Variants in PTPRB observed in about 807,000 individuals in gnomAD.
PTPRB encodes the protein protein tyrosine phosphatase receptor type B, also known as receptor-type tyrosine-protein phosphatase beta.
Under a neutral mutation model 238.1 loss-of-function variants are expected in PTPRB, and 97 were observed. That is an observed-to-expected ratio of 0.41 (90% confidence interval 0.35 to 0.48). The LOEUF (loss-of-function observed/expected upper bound fraction) is 0.48. Ranked by LOEUF, PTPRB falls within the 20% of genes least tolerant of loss-of-function variation. The pLI, the probability that PTPRB is intolerant of heterozygous loss-of-function variation, is 0.30. For missense variants in PTPRB, 2,292 were observed against 2,681.9 expected, an observed-to-expected ratio of 0.85 and a Z score of 3.21; for synonymous variants, 970 against 995.4, an observed-to-expected ratio of 0.97 and a Z score of 0.48.
At chr12:70,559,254 G>A (rs767344855) in intron 18 of PTPRB, 89 bp downstream of exon 18, 1 of 1,367,402 alleles carries the variant, frequency 7.3e-7, no homozygotes, top group East Asian at 2.3e-5. Context: ...TAAAAATATG[G>A]ATTTAATCCA....
chr12:70,538,799 C>T lies in PTPRB; in HGVS notation c.5869+125G>A, dbSNP rs1029875415. On this transcript the variant is annotated intron_variant, in intron 27 of 33. Coordinates refer to ENST00000334414, the MANE Select transcript of PTPRB (RefSeq NM_001109754.4). ...TATACAAGCTATTTCTTATTAAAGG[C>T]ATTCAGAGCTTGAGATTGTCCATAT... 11 of 732,118 alleles carry T rather than the reference C, an allele frequency of 1.5e-5. No homozygotes were observed. In the African/African-American group the frequency reaches 1.9e-4, roughly 13 times the overall value. 45.4% of individuals were successfully genotyped at this position (732,118 alleles called of 1,614,324 possible).
At chr12:70,633,402 G>A (rs1885540070) in intron 2 of PTPRB, among the ~76,000 whole-genome samples, 2 of 152,006 alleles carry the variant, frequency 1.3e-5, no homozygotes, top group Non-Finnish European at 2.9e-5. Context: ...ATCACACCAT[G>A]GCTCTCCTGC....
chr12:70,621,285 T>C lies in PTPRB; in HGVS notation c.708+1105A>G, dbSNP rs72648195. On this transcript the variant is annotated intron_variant, in intron 3 of 33. Coordinates refer to ENST00000334414, the MANE Select transcript of PTPRB (RefSeq NM_001109754.4). Reference sequence around the variant, plus strand: ...TGGACATGTTTCCCTTTCCCTGCTTTAAGCCCAAACTGGGTGGGGTGATGG... The same window carrying C: ...TGGACATGTTTCCCTTTCCCTGCTTCAAGCCCAAACTGGGTGGGGTGATGG... Among the ~76,000 whole-genome samples the C allele has an allele frequency of 2.4e-3, 371 of 152,302 alleles. 16 individuals carry two copies. The East Asian group carries it at 0.066, about 27-fold the overall frequency.
In PTPRB at chr12:70,535,229, T is replaced by G. The variant is rs927364360; in HGVS notation, c.6082-274A>C. Reference sequence around the variant, plus strand: ...CCCAGTAATATATGGCTTGAGTTTTTTTTTTTTTTTTTTTTTTTTTTCCCC... The same window carrying G: ...CCCAGTAATATATGGCTTGAGTTTTGTTTTTTTTTTTTTTTTTTTTTCCCC... On this transcript the variant is annotated intron_variant, in intron 29 of 33. Coordinates refer to ENST00000334414, the MANE Select transcript of PTPRB (RefSeq NM_001109754.4). 3.4e-5 allele frequency among the ~76,000 whole-genome samples: 5 copies of G among 145,234 alleles called. No homozygotes were observed. In the East Asian group the frequency reaches 7.9e-4, roughly 23 times the overall value.
chr12:70,563,767 T>C lies in PTPRB; in HGVS notation c.3905-660A>G, dbSNP rs919582189. Among the ~76,000 whole-genome samples the C allele has an allele frequency of 3.9e-5, 6 of 152,046 alleles. 1 individual carries two copies. The highest frequency in any genetic ancestry group is 8.8e-5 in the Non-Finnish European group (6 of 68,020). On this transcript the variant is annotated intron_variant, in intron 15 of 33. Transcript: ENST00000334414. ...GTTTTGCTTGACCCTCTCTCCTCCT[T>C]CTTCTATCTCAATTAATGGCATCAT...
intron 5 of PTPRB, among the ~76,000 whole-genome samples, chr12:70,595,285 C>T (rs546769331): frequency 2.4e-4 from 36 of 151,918 alleles, no homozygotes; most frequent in African/African-American, 6.5e-4. Context: ...ACATCACACA[C>T]GGGGACCTGT....
chr12:70,608,324 T>C (rs1010949310), intron 4 of PTPRB, among the ~76,000 whole-genome samples: 2 of 152,338 alleles, frequency 1.3e-5, no homozygotes, highest in Admixed American at 1.3e-4. Context: ...AATGAGGTAA[T>C]GTACATGACA....
intron 32 of PTPRB, among the ~76,000 whole-genome samples, chr12:70,524,919 A>G (rs1396472738): frequency 7.3e-6 from 1 of 137,498 alleles, no homozygotes; most frequent in African/African-American, 3.5e-5. Flanking sequence ...ATATGTATGT[A>G]TATATGTGTG....
At chr12:70,611,781 C>CA (rs944055994) in intron 3 of PTPRB, among the ~76,000 whole-genome samples, 2 of 152,038 alleles carry the variant, frequency 1.3e-5, no homozygotes, top group Non-Finnish European at 2.9e-5. Context: ...TTTCTGGGAA[C>CA]AAAAAAACTC....
intron 4 of PTPRB, among the ~76,000 whole-genome samples, chr12:70,608,262 C>A (rs2583993): frequency 0.54 from 82,019 of 152,012 alleles, 23,555 homozygotes; most frequent in African/African-American, 0.75. Context: ...GTCAGAAAAC[C>A]TGAAAATTGT....
intron 14 of PTPRB, among the ~76,000 whole-genome samples, chr12:70,568,491 G>A (rs1014972654): frequency 6.6e-6 from 1 of 152,094 alleles, no homozygotes; most frequent in African/African-American, 2.4e-5. Context: ...TAGAGACGGG[G>A]TTTCACCATG....
At chr12:70,557,227 T>C (rs1592466861) in intron 18 of PTPRB, among the ~76,000 whole-genome samples, 1 of 152,292 alleles carries the variant, frequency 6.6e-6, no homozygotes, top group East Asian at 1.9e-4. Context: ...AATTGAGAAC[T>C]GCAAATCATT....
chr12:70,540,733 A>C (rs1874943539), intron 23 of PTPRB, 125 bp downstream of exon 23: 5 of 723,128 alleles, frequency 6.9e-6, no homozygotes, highest in South Asian at 5.8e-5. Context: ...TTTATTGAGA[A>C]AACAGTGACA....
chr12:70,529,794 T>C (rs1288905528), intron 32 of PTPRB, among the ~76,000 whole-genome samples: 2 of 152,168 alleles, frequency 1.3e-5, no homozygotes, highest in Non-Finnish European at 2.9e-5. Flanking sequence ...TGACACTGCC[T>C]GAACTCACTG....
At chr12:70,609,851 G>A in intron 3 of PTPRB, 4 of 1,554,670 alleles carry the variant, frequency 2.6e-6, no homozygotes, top group Non-Finnish European at 3.5e-6. Flanking sequence ...AGACCGAGGG[G>A]GCTGGACGTG....
Position 70,555,858 on chromosome 12 carries a change from A to G in PTPRB, c.4993+12T>C, listed in dbSNP as rs751391117. ...GACAGGAGGCTCTGTGCGCACCTCC[A>G]GGGACACTTACGGTCTATCATTGTG... On this transcript the variant is annotated intron_variant, in intron 19 of 33. Transcript: ENST00000334414. The G allele has an allele frequency of 1.2e-6, 2 of 1,611,206 alleles. No homozygotes were observed. The highest frequency in any genetic ancestry group is 1.7e-6 in the Non-Finnish European group (2 of 1,179,228).
intron 1 of PTPRB, among the ~76,000 whole-genome samples, chr12:70,637,139 G>A (rs912620668): frequency 4.6e-5 from 7 of 152,168 alleles, no homozygotes; most frequent in Non-Finnish European, 7.3e-5. Context: ...GAGGATGAGA[G>A]GAGAGCATTT....
intron 11 of PTPRB, among the ~76,000 whole-genome samples, chr12:70,575,338 T>G (rs1372354437): frequency 6.6e-6 from 1 of 152,104 alleles, no homozygotes; most frequent in Non-Finnish European, 1.5e-5. Context: ...AAATCAGAGG[T>G]TCTTAGCTTT....
chr12:70,594,661 G>C lies in PTPRB; in HGVS notation c.1322C>G (p.Ser441Cys). 1 of 1,613,984 alleles carries C rather than the reference G, an allele frequency of 6.2e-7. No homozygotes were observed. The highest frequency in any genetic ancestry group is 8.5e-7 in the Non-Finnish European group (1 of 1,179,874). Residue 441 changes from serine (S) to cysteine (C), a missense_variant, in exon 6 of 34, where the codon TCC (serine) becomes TGC (cysteine). By Grantham distance (112) the Ser-to-Cys change is moderately radical. This residue lies in a region of PTPRB where 1,205 missense variants were observed against 1,287.8 expected (regional missense o/e 0.94). Coordinates refer to ENST00000334414, the MANE Select transcript of PTPRB (RefSeq NM_001109754.4). Reference sequence around the variant, plus strand: ...TCGTTCCACATTCCCAGAACCATGGGACCAGGAAATCAGGAGAGAATTGGC... The same window carrying C: ...TCGTTCCACATTCCCAGAACCATGGCACCAGGAAATCAGGAGAGAATTGGC... ...TKANSLLISW[S>C]HGSGNVERYR...
Sources: gnomAD v4.1 joint callset for allele counts (sites outside exome capture counted in the v4.1 genomes callset) on GRCh38, gnomAD v4.1.1 for gene constraint, gnomAD v4.1.1 regional missense constraint, MANE v1.5 for transcripts, NCBI Gene and HGNC (gene_info 2026-07-23, HGNC 2026-07-21) for gene names.